Variants in GRK5 observed in about 807,000 individuals in gnomAD.
The protein encoded by GRK5 is g protein-coupled receptor kinase GRK5.
In GRK5, 40 loss-of-function variants were observed where a neutral mutation model predicts 78.4. That is an observed-to-expected ratio of 0.51 (90% CI 0.40 to 0.66). The LOEUF (loss-of-function observed/expected upper bound fraction) is 0.66, where lower values mean the gene tolerates loss of function less well. Among genes scored for constraint, GRK5 ranks in the 30% least tolerant of loss-of-function variants. GRK5 has a pLI of 0.00. For missense variants in GRK5, 598 were observed against 759.9 expected (o/e 0.79, Z 2.50); for synonymous variants, 289 against 296.8 (o/e 0.97, Z 0.27).
chr10:119,215,508 A>C (rs71480936), intron 1 of GRK5, among the ~76,000 whole-genome samples: 15,054 of 139,778 alleles, frequency 0.11, 855 homozygotes, highest in Non-Finnish European at 0.13. Context: ...GGGGGTGCGG[A>C]GAGTGAGGAA....
rs2133674340 is a variant in GRK5 at position 119,271,310 on chromosome 10, T to C, written c.53-55206T>C. Among the ~76,000 whole-genome samples, 1 of 152,322 alleles carries C rather than the reference T, an allele frequency of 6.6e-6. No homozygotes were observed. Among genetic ancestry groups the C allele is most frequent in the East Asian group, 1.9e-4 (1 of 5,188 alleles). On this transcript the variant is annotated intron_variant, in intron 1 of 15. Transcript: ENST00000392870. The surrounding 1 kb of genome is among the most constrained non-coding windows in gnomAD (Gnocchi z 4.1). Reference sequence around the variant, plus strand: ...TCATCCCCTCGAGCTGCCAACACAATCAAGGGTCTGCAGGTTTGGGAACTC... The same window carrying C: ...TCATCCCCTCGAGCTGCCAACACAACCAAGGGTCTGCAGGTTTGGGAACTC...
chr10:119,286,794 G>A (rs1849854765), intron 1 of GRK5, among the ~76,000 whole-genome samples: 1 of 152,248 alleles, frequency 6.6e-6, no homozygotes, highest in East Asian at 1.9e-4. Flanking sequence ...AGGTGGGGAG[G>A]TGAGGGGTCA....
intron 2 of GRK5, among the ~76,000 whole-genome samples, chr10:119,331,757 T>C (rs1338988262): frequency 6.6e-6 from 1 of 152,218 alleles, no homozygotes; most frequent in African/African-American, 2.4e-5. Flanking sequence ...CCCTGGACAG[T>C]CATAGACCAT....
intron 2 of GRK5, among the ~76,000 whole-genome samples, chr10:119,343,797 G>C (rs918857405): frequency 6.6e-6 from 1 of 152,224 alleles, no homozygotes; most frequent in Non-Finnish European, 1.5e-5. Context: ...GCTGTCTGCA[G>C]TCATCCTCAG....
At chr10:119,319,658 G>C (rs1286687214) in intron 1 of GRK5, among the ~76,000 whole-genome samples, 1 of 152,272 alleles carries the variant, frequency 6.6e-6, no homozygotes, top group Admixed American at 6.5e-5. Flanking sequence ...GATCCTTTGG[G>C]AAAGCAAATA....
intron 1 of GRK5, among the ~76,000 whole-genome samples, chr10:119,295,847 G>A (rs536154242): frequency 5.0e-4 from 76 of 152,116 alleles, no homozygotes; most frequent in Admixed American, 9.2e-4. Context: ...AAGGTGCAGC[G>A]TATACTGCTT....
At chr10:119,410,676 T>C (rs1852322155) in intron 4 of GRK5, among the ~76,000 whole-genome samples, 1 of 152,096 alleles carries the variant, frequency 6.6e-6, no homozygotes, top group African/African-American at 2.4e-5. Flanking sequence ...CCCTACCATC[T>C]GAAAGGGGTC....
chr10:119,288,758 C>T (rs1268669019), intron 1 of GRK5, among the ~76,000 whole-genome samples: 1 of 152,216 alleles, frequency 6.6e-6, no homozygotes, highest in Non-Finnish European at 1.5e-5. Flanking sequence ...CTTCCTCCTC[C>T]CTGCTGTTCC....
intron 4 of GRK5, among the ~76,000 whole-genome samples, chr10:119,419,943 C>T (rs1355420003): frequency 3.3e-5 from 5 of 152,156 alleles, no homozygotes; most frequent in Non-Finnish European, 7.4e-5. Flanking sequence ...TGCAGAGTAC[C>T]GGGGGCTAGG....
intron 12 of GRK5, among the ~76,000 whole-genome samples, chr10:119,446,639 G>A (rs189929004): frequency 4.3e-4 from 66 of 152,360 alleles, no homozygotes; most frequent in African/African-American, 1.4e-3. Context: ...AGAGAGAGAA[G>A]CAGAGGCATG....
chr10:119,334,237 C>G (rs1187586085), intron 2 of GRK5, among the ~76,000 whole-genome samples: 2 of 152,166 alleles, frequency 1.3e-5, no homozygotes, highest in African/African-American at 4.8e-5. Flanking sequence ...ACCCAGGAGT[C>G]CGAGGATACA....
At chr10:119,356,631 G>A (rs1389012797) in intron 2 of GRK5, among the ~76,000 whole-genome samples, 5 of 151,980 alleles carry the variant, frequency 3.3e-5, no homozygotes, top group Non-Finnish European at 7.4e-5. Flanking sequence ...ACAGGCTTTG[G>A]GCTCTTCCAG....
At chr10:119,384,811 T>C (rs1373650164) in intron 3 of GRK5, among the ~76,000 whole-genome samples, 1 of 152,124 alleles carries the variant, frequency 6.6e-6, no homozygotes, top group Non-Finnish European at 1.5e-5. Flanking sequence ...GGCTCCTTCC[T>C]CTGCATCATG....
chr10:119,260,946 C>T (rs1241473199), intron 1 of GRK5, among the ~76,000 whole-genome samples: 2 of 151,928 alleles, frequency 1.3e-5, no homozygotes, highest in African/African-American at 2.4e-5. Context: ...GGGTGGTGGC[C>T]GGGCAGAGGG....
chr10:119,394,295 T>C (rs1365120963), intron 3 of GRK5, among the ~76,000 whole-genome samples: 262 of 5,536 alleles, frequency 0.047, 16 homozygotes, highest in Middle Eastern at 0.1. Context: ...GGTGTGTATC[T>C]GTGTGTCTGT....
intron 2 of GRK5, among the ~76,000 whole-genome samples, chr10:119,369,011 A>G (rs529276042): frequency 2.6e-5 from 4 of 152,306 alleles, no homozygotes; most frequent in Admixed American, 1.3e-4. Flanking sequence ...GGTTTGTTCA[A>G]TCATTCATTC....
chr10:119,369,858 A>G (rs922052643), intron 2 of GRK5, among the ~76,000 whole-genome samples: 4 of 152,098 alleles, frequency 2.6e-5, no homozygotes, highest in Non-Finnish European at 5.9e-5. Flanking sequence ...CAGCATCAGG[A>G]TCTACCTGCC....
At chr10:119,299,019 C>T (rs1214583756) in intron 1 of GRK5, among the ~76,000 whole-genome samples, 1 of 152,210 alleles carries the variant, frequency 6.6e-6, no homozygotes, top group Non-Finnish European at 1.5e-5. Context: ...CTTCCCACCA[C>T]CCTGGGAGAC....
chr10:119,364,297 G>A (rs1338352917), intron 2 of GRK5, among the ~76,000 whole-genome samples: 1 of 152,202 alleles, frequency 6.6e-6, no homozygotes, highest in Non-Finnish European at 1.5e-5. Flanking sequence ...CCTTGGGGGT[G>A]GAGCTCTGCA....
Sources: allele counts gnomAD v4.1 joint callset (sites outside exome capture counted in the v4.1 genomes callset), GRCh38; gene constraint gnomAD v4.1.1; non-coding constraint Gnocchi (gnomAD v3.1); transcripts MANE v1.5; gene names NCBI Gene and HGNC (gene_info 2026-07-23, HGNC 2026-07-21).